Variants in OSBPL9 observed in about 807,000 individuals in gnomAD.
OSBPL9 encodes oxysterol binding protein like 9.
In OSBPL9, 40 loss-of-function variants were observed where a neutral mutation model predicts 106.6. The ratio of observed to expected loss-of-function variants is 0.38; its 90% confidence interval spans 0.29 to 0.49. The LOEUF (loss-of-function observed/expected upper bound fraction) is 0.49, where lower values mean the gene tolerates loss of function less well. Among genes scored for constraint, OSBPL9 ranks in the 20% least tolerant of loss-of-function variants. OSBPL9 has a pLI of 0.97. For missense variants in OSBPL9, 609 were observed against 887.2 expected (o/e 0.69, Z 3.98); for synonymous variants, 269 against 295.4 (o/e 0.91, Z 0.92).
the OSBPL9 span, among the ~76,000 whole-genome samples, chr1:51,532,138 A>G: frequency 6.6e-6 from 1 of 152,212 alleles, no homozygotes; most frequent in African/African-American, 2.4e-5. Context: ...TAATTAGAGG[A>G]GGCTCGGGAG....
intron 2 of OSBPL9, chr1:51,598,325 G>A (rs1289943813): frequency 1.3e-5 from 2 of 152,332 alleles, no homozygotes; most frequent in South Asian, 2.1e-4. Flanking sequence ...AAGAGAAAAG[G>A]GGGAACAGGG....
intron 3 of OSBPL9, among the ~76,000 whole-genome samples, chr1:51,674,684 T>G (rs549818407): frequency 6.6e-6 from 1 of 152,352 alleles, no homozygotes; most frequent in South Asian, 2.1e-4. Context: ...GGACCACATA[T>G]ATGATGGTGG....
In OSBPL9 at chr1:51,722,257, A is replaced by C. The variant is rs367552000; in HGVS notation, c.318+8178A>C. 1.3e-3 allele frequency among the ~76,000 whole-genome samples: 200 copies of C among 152,360 alleles called. 8 individuals are homozygous for C. In the South Asian group the frequency reaches 0.04, roughly 31 times the overall value. ...TTCACTCATCTTGTGGCAAGGAGTT[A>C]TGTATTTCTAATCAAATTTGGCAAC... is the stretch of plus-strand genomic sequence containing the variant. On this transcript the variant is annotated intron_variant, in intron 4 of 23. Coordinates refer to ENST00000428468, the MANE Select transcript of OSBPL9 (RefSeq NM_024586.6).
chr1:51,705,140 A>G (rs1658151730), intron 3 of OSBPL9, among the ~76,000 whole-genome samples: 1 of 151,692 alleles, frequency 6.6e-6, no homozygotes, highest in Admixed American at 6.6e-5. Context: ...ATTTGATGGT[A>G]TGTCTGAAAA....
At chr1:51,549,103 G>T in the OSBPL9 span, among the ~76,000 whole-genome samples, 15 of 152,242 alleles carry the variant, frequency 9.9e-5, no homozygotes, top group Non-Finnish European at 2.1e-4. Flanking sequence ...AGGTTGTAAG[G>T]TCTAGAAACC....
intron 1 of OSBPL9, 150 bp from the exon 2 acceptor site, chr1:51,651,841 C>T: frequency 1.6e-6 from 1 of 608,806 alleles, no homozygotes; most frequent in Non-Finnish European, 2.9e-6. Context: ...TGTTTATTTT[C>T]CTATCCATAA....
chr1:51,751,792 C>T (rs1263248419), intron 8 of OSBPL9, among the ~76,000 whole-genome samples: 1 of 152,142 alleles, frequency 6.6e-6, no homozygotes, highest in Non-Finnish European at 1.5e-5. Context: ...GTCAGCCTAG[C>T]CTATTTCAGT....
intron 1 of OSBPL9, among the ~76,000 whole-genome samples, chr1:51,651,767 G>T (rs1646533820): frequency 6.6e-6 from 1 of 152,124 alleles, no homozygotes; most frequent in African/African-American, 2.4e-5. Context: ...TACATTAAAG[G>T]TATGTGTAAA....
Position 51,776,999 on chromosome 1 carries a change from G to A in OSBPL9, c.1256+81G>A, listed in dbSNP as rs145702374. 8.5e-6 allele frequency: 9 copies of A among 1,060,056 alleles called. No homozygotes were observed. The East Asian group carries it at 2.1e-4, about 25-fold the overall frequency. The allele number at this position is 1,060,056 out of a possible 1,614,324, so 65.7% of individuals were successfully genotyped here. A position where few individuals can be genotyped will look rare whatever the true frequency, so the allele number is the denominator to read the frequency against. ...CTGCCTTTTATTTTGCAGGATAGAT[G>A]GATTCCTTGTCACCTTTCAAACATT... On this transcript the variant is annotated intron_variant, in intron 15 of 23. Transcript: ENST00000428468.
the OSBPL9 span, among the ~76,000 whole-genome samples, chr1:51,518,737 G>C: frequency 6.6e-6 from 1 of 152,058 alleles, no homozygotes; most frequent in Non-Finnish European, 1.5e-5. Flanking sequence ...ACTCCTACTG[G>C]GGGCGGCGCG....
At chr1:51,527,090 T>A in the OSBPL9 span, among the ~76,000 whole-genome samples, 1 of 152,026 alleles carries the variant, frequency 6.6e-6, no homozygotes, top group Non-Finnish European at 1.5e-5. Context: ...ACCCCTAACA[T>A]CAGGACAATG....
chr1:51,667,611 G>A lies in OSBPL9; in HGVS notation c.163-1823G>A, dbSNP rs115923545. On this transcript the variant is annotated intron_variant, in intron 2 of 23. Coordinates refer to ENST00000428468, the MANE Select transcript of OSBPL9 (RefSeq NM_024586.6). Reference sequence around the variant, plus strand: ...TGGATATAAGTGCCTTGAAGGCAGGGCATATATTCCAGAGCTGTATATTGC... The same window carrying A: ...TGGATATAAGTGCCTTGAAGGCAGGACATATATTCCAGAGCTGTATATTGC... Among the ~76,000 whole-genome samples, 350 of 152,310 alleles carry A rather than the reference G, an allele frequency of 2.3e-3. 4 individuals are homozygous for A. The highest frequency in any genetic ancestry group is 8.2e-3 in the African/African-American group (342 of 41,562).
At chr1:51,634,202 A>T (rs1645283540) in intron 1 of OSBPL9, among the ~76,000 whole-genome samples, 1 of 151,996 alleles carries the variant, frequency 6.6e-6, no homozygotes, top group Non-Finnish European at 1.5e-5. Flanking sequence ...GCCCTCTATT[A>T]GTCTTTGCTA....
chr1:51,788,548 CAAAG>C lies in OSBPL9; in HGVS notation c.*765_*768del, dbSNP rs887466073. 4.6e-5 allele frequency: 7 copies of C among 152,286 alleles called. No homozygotes were observed. Among genetic ancestry groups the C allele is most frequent in the Non-Finnish European group, 7.4e-5 (5 of 68,004 alleles). 9.4% of individuals were successfully genotyped at this position (152,286 alleles called of 1,614,324 possible). ...ACCTTGAATACAAGAGCTAGCTTTT[CAAAG>C]AAAGACACTTGAAATAATGGAGGAT... On this transcript the variant is annotated 3_prime_UTR_variant, in exon 24 of 24. Transcript: ENST00000428468.
chr1:51,773,244 C>T (rs1471065062), intron 14 of OSBPL9, among the ~76,000 whole-genome samples: 2 of 152,150 alleles, frequency 1.3e-5, no homozygotes, highest in Non-Finnish European at 2.9e-5. Flanking sequence ...CAAAATGACA[C>T]ATATTGAGTC....
intron 1 of OSBPL9, among the ~76,000 whole-genome samples, chr1:51,625,555 C>T (rs1399135643): frequency 6.7e-6 from 1 of 150,178 alleles, no homozygotes; most frequent in Non-Finnish European, 1.5e-5. Flanking sequence ...GGGTACTGCT[C>T]TGTCATCCAG....
At chr1:51,695,830 G>A (rs1392388631) in intron 3 of OSBPL9, among the ~76,000 whole-genome samples, 2 of 152,202 alleles carry the variant, frequency 1.3e-5, no homozygotes, top group Admixed American at 1.3e-4. Context: ...GAACCGTGCT[G>A]ACACAAATTA....
At chr1:51,606,816 A>G (rs1643951442) in intron 2 of OSBPL9, among the ~76,000 whole-genome samples, 1 of 152,182 alleles carries the variant, frequency 6.6e-6, no homozygotes, top group Non-Finnish European at 1.5e-5. Context: ...TGGGAGGCCA[A>G]GGCGGGCAGA....
At chr1:51,710,978 A>G (rs1340864143) in intron 3 of OSBPL9, among the ~76,000 whole-genome samples, 1 of 150,672 alleles carries the variant, frequency 6.6e-6, no homozygotes, top group East Asian at 1.9e-4. Context: ...TTCCAATCAC[A>G]TGTGTGTTAC....
Sources: allele counts gnomAD v4.1 joint callset (sites outside exome capture counted in the v4.1 genomes callset), GRCh38; gene constraint gnomAD v4.1.1; transcripts MANE v1.5; gene names NCBI Gene and HGNC (gene_info 2026-07-23, HGNC 2026-07-21).